Variants in SEMA6D observed in about 807,000 individuals in gnomAD.
SEMA6D encodes semaphorin-6D.
Under a neutral mutation model 106.6 loss-of-function variants are expected in SEMA6D, and 35 were observed. The observed-to-expected ratio is 0.33, with a 90% CI of 0.25 to 0.44. The LOEUF (loss-of-function observed/expected upper bound fraction) is 0.44, where lower values mean the gene tolerates loss of function less well. Ranked by LOEUF, SEMA6D falls within the 20% of genes least tolerant of loss-of-function variation. SEMA6D has a pLI of 1.00. For synonymous variants in SEMA6D, 499 were observed against 487.7 expected, an observed-to-expected ratio of 1.02 and a Z score of -0.31; for missense variants, 1,185 against 1,345.9, an observed-to-expected ratio of 0.88 and a Z score of 1.87.
chr15:47,436,357 C>T (rs778650219), intron 2 of SEMA6D, among the ~76,000 whole-genome samples: 1 of 150,994 alleles, frequency 6.6e-6, no homozygotes, highest in Admixed American at 6.6e-5. Context: ...GCCATTGCAC[C>T]CCAGCCTAGG....
intron 3 of SEMA6D, among the ~76,000 whole-genome samples, chr15:47,541,376 A>G (rs549185722): frequency 1.6e-4 from 25 of 152,332 alleles, no homozygotes; most frequent in Non-Finnish European, 3.1e-4. Flanking sequence ...ATTCAAGATG[A>G]AAGAATCCCT....
intron 2 of SEMA6D, among the ~76,000 whole-genome samples, chr15:47,463,501 G>C (rs1264367261): frequency 6.6e-6 from 1 of 152,142 alleles, no homozygotes; most frequent in Admixed American, 6.6e-5. Context: ...TCAACCCTTT[G>C]CAATGTATTT....
intron 1 of SEMA6D, among the ~76,000 whole-genome samples, chr15:47,284,011 C>T (rs1303589689): frequency 6.6e-6 from 1 of 152,182 alleles, no homozygotes; most frequent in African/African-American, 2.4e-5. Flanking sequence ...GTCATCACCT[C>T]TACCCACTGC....
chr15:47,621,775 C>T (rs2144217602), intron 4 of SEMA6D, among the ~76,000 whole-genome samples: 1 of 152,308 alleles, frequency 6.6e-6, no homozygotes, highest in South Asian at 2.1e-4. Context: ...GCTTTCTCAC[C>T]TGTCAAACAG....
chr15:47,337,051 G>A (rs544795311), intron 1 of SEMA6D, among the ~76,000 whole-genome samples: 63 of 152,206 alleles, frequency 4.1e-4, no homozygotes, highest in African/African-American at 1.5e-3. Flanking sequence ...AGGCAACAGG[G>A]TGATGGAAAT....
chr15:47,278,362 A>G (rs2034939921), intron 1 of SEMA6D, among the ~76,000 whole-genome samples: 1 of 152,230 alleles, frequency 6.6e-6, no homozygotes, highest in South Asian at 2.1e-4. Flanking sequence ...TCTGATGGCC[A>G]GTGATGGTGA....
chr15:47,208,539 A>G (rs997403261), intron 1 of SEMA6D, among the ~76,000 whole-genome samples: 2 of 152,292 alleles, frequency 1.3e-5, no homozygotes, highest in East Asian at 1.9e-4. Flanking sequence ...TCATCATTAC[A>G]CTATACTGCT....
At chr15:47,403,472 TG>T (rs34689562) in intron 1 of SEMA6D, among the ~76,000 whole-genome samples, 2 of 152,194 alleles carry the variant, frequency 1.3e-5, no homozygotes, top group African/African-American at 4.8e-5. Context: ...ATCTACTTTA[TG>T]GGGAGAAACA....
Position 47,215,642 on chromosome 15 carries a change from G to A in SEMA6D, c.-239+31224G>A, listed in dbSNP as rs12441740. Among the ~76,000 whole-genome samples the A allele has an allele frequency of 1.1e-4, 17 of 152,056 alleles. No homozygotes were observed. In the South Asian group the frequency reaches 3.5e-3, roughly 32 times the overall value. Reference sequence around the variant, plus strand: ...ATGGTAATATTTATGGAGAGATGGAGATGCATATATATGTATATAATAAAT... The same window carrying A: ...ATGGTAATATTTATGGAGAGATGGAAATGCATATATATGTATATAATAAAT... On this transcript the variant is annotated intron_variant, in intron 1 of 19. Transcript: ENST00000558014.
chr15:47,581,246 T>C, intron 3 of SEMA6D: 1 of 406,242 alleles, frequency 2.5e-6, no homozygotes, highest in East Asian at 7.7e-5. Flanking sequence ...TTTTGCATGT[T>C]GGGCCCCCAA....
chr15:47,313,184 T>C (rs1306842916), intron 1 of SEMA6D, among the ~76,000 whole-genome samples: 2 of 152,248 alleles, frequency 1.3e-5, no homozygotes, highest in African/African-American at 2.4e-5. Flanking sequence ...GTACATTCTG[T>C]GGGTTTGGAG....
chr15:47,599,722 A>G (rs1257082970), intron 3 of SEMA6D, among the ~76,000 whole-genome samples: 1 of 151,706 alleles, frequency 6.6e-6, no homozygotes, highest in East Asian at 1.9e-4. Context: ...TTGAATGTGG[A>G]CTTTTTTCTT....
chr15:47,746,104 T>A (rs1340638717), intron 1 of SEMA6D, among the ~76,000 whole-genome samples: 1 of 152,182 alleles, frequency 6.6e-6, no homozygotes, highest in Non-Finnish European at 1.5e-5. Context: ...ACAAAGGCCT[T>A]ATTTTTGGTG....
At chr15:47,584,675 G>T (rs1409323265) in intron 3 of SEMA6D, among the ~76,000 whole-genome samples, 1 of 152,024 alleles carries the variant, frequency 6.6e-6, no homozygotes, top group Non-Finnish European at 1.5e-5. Flanking sequence ...AAGTAGGCAG[G>T]GTACAAATAA....
rs2082650509 is a variant in SEMA6D, at chr15:47,772,011, T to A, written c.*226T>A. The A allele has an allele frequency of 9.3e-6, 5 of 535,732 alleles. No individual in the cohort carries two copies. The South Asian group carries it at 1.5e-4, about 16-fold the overall frequency. 33.2% of individuals were successfully genotyped at this position (535,732 alleles called of 1,614,324 possible). On this transcript the variant is annotated 3_prime_UTR_variant, in exon 19 of 19. Coordinates refer to ENST00000536845, the MANE Select transcript of SEMA6D (RefSeq NM_001358351.3). The stretch of plus-strand genomic sequence containing the variant: ...CAAAGGAAGGTGCTGGTCATTCCAT[T>A]TCTTTTGTTTGAAGCTAAAGAGATG...
intron 1 of SEMA6D, among the ~76,000 whole-genome samples, chr15:47,314,572 T>A (rs1203973144): frequency 1.5e-4 from 14 of 93,850 alleles, no homozygotes; most frequent in Non-Finnish European, 2.3e-4. Flanking sequence ...CACTCCAGCC[T>A]GGGCGACAGA....
chr15:47,298,287 T>C (rs2035883170), intron 1 of SEMA6D, among the ~76,000 whole-genome samples: 1 of 151,976 alleles, frequency 6.6e-6, no homozygotes, highest in South Asian at 2.1e-4. Flanking sequence ...GACCGACTTG[T>C]AACTTCCTAA....
At chr15:47,679,414 A>T (rs894402845) in intron 4 of SEMA6D, among the ~76,000 whole-genome samples, 2 of 152,052 alleles carry the variant, frequency 1.3e-5, no homozygotes, top group Non-Finnish European at 2.9e-5. Context: ...GCTGAGAAAT[A>T]AAAAAAAGTA....
At chr15:47,206,683 T>C (rs1018440936) in intron 1 of SEMA6D, among the ~76,000 whole-genome samples, 1 of 152,074 alleles carries the variant, frequency 6.6e-6, no homozygotes, top group Non-Finnish European at 1.5e-5. Flanking sequence ...CGGGTGGTCA[T>C]GTGTGCATGT....
Sources: allele counts gnomAD v4.1 joint callset (sites outside exome capture counted in the v4.1 genomes callset), GRCh38; gene constraint gnomAD v4.1.1; transcripts MANE v1.5; gene names NCBI Gene and HGNC (gene_info 2026-07-23, HGNC 2026-07-21).